Variants in RGPD2 observed in about 807,000 individuals in gnomAD.
RGPD2 encodes the protein RANBP2-like and GRIP domain-containing protein 2.
Under a neutral mutation model 36.0 loss-of-function variants are expected in RGPD2, and 2 were observed. The observed-to-expected ratio is 0.06, with a 90% CI of 0.02 to 0.17. The LOEUF is 0.17. Among genes scored for constraint, RGPD2 ranks in the 10% least tolerant of loss-of-function variants. RGPD2 has a pLI of 1.00. For missense variants in RGPD2, 40 were observed against 464.3 expected (o/e 0.09, Z 8.40); for synonymous variants, 19 against 163.8 (o/e 0.12, Z 6.75).
At chr2:87,855,219 G>A in the RGPD2 span, among the ~76,000 whole-genome samples, 4 of 151,950 alleles carry the variant, frequency 2.6e-5, no homozygotes, top group South Asian at 2.1e-4. Flanking sequence ...GTGGACAAAC[G>A]TTTTCCACTC....
At chr2:87,958,384 A>T in the RGPD2 span, among the ~76,000 whole-genome samples, 1 of 151,828 alleles carries the variant, frequency 6.6e-6, no homozygotes, top group South Asian at 2.1e-4. Context: ...CTTCTGATAC[A>T]TCTGTTAGTG....
At chr2:87,872,261 TGTTA>T in the RGPD2 span, among the ~76,000 whole-genome samples, 1 of 151,874 alleles carries the variant, frequency 6.6e-6, no homozygotes, top group Non-Finnish European at 1.5e-5. Flanking sequence ...CAACCAATAA[TGTTA>T]CATTATCAAG....
At chr2:87,763,372 T>C (rs1249964867) in intron 22 of RGPD2, among the ~76,000 whole-genome samples, 2 of 148,606 alleles carry the variant, frequency 1.3e-5, no homozygotes, top group Non-Finnish European at 3.0e-5. Flanking sequence ...TTAGCCAGGA[T>C]GGTCTCGGTC....
chr2:87,848,924 A>G, the RGPD2 span, among the ~76,000 whole-genome samples: 2 of 150,640 alleles, frequency 1.3e-5, no homozygotes, highest in Non-Finnish European at 3.0e-5. Context: ...TTATTTTGGT[A>G]TCAATGCTAG....
chr2:87,960,239 A>G, the RGPD2 span, among the ~76,000 whole-genome samples: 1 of 150,294 alleles, frequency 6.7e-6, no homozygotes, highest in South Asian at 2.1e-4. Flanking sequence ...CCATTTTTCT[A>G]CAGATCTTCT....
the RGPD2 span, among the ~76,000 whole-genome samples, chr2:87,878,745 C>T: frequency 1.3e-5 from 2 of 152,190 alleles, no homozygotes; most frequent in Non-Finnish European, 2.9e-5. Context: ...CAAACGCTTA[C>T]CCCCACAGCC....
the RGPD2 span, among the ~76,000 whole-genome samples, chr2:87,957,243 G>GGC: frequency 7.1e-6 from 1 of 140,356 alleles, no homozygotes; most frequent in Admixed American, 7.1e-5. Context: ...CACTGGGGGG[G>GGC]GGCTCTCATT....
chr2:87,881,806 T>G, the RGPD2 span, among the ~76,000 whole-genome samples: 719 of 152,278 alleles, frequency 4.7e-3, 8 homozygotes, highest in African/African-American at 0.016. Context: ...GTTCTTGTAT[T>G]GCTATAAGGA....
chr2:87,847,371 A>AT, the RGPD2 span, among the ~76,000 whole-genome samples: 3 of 151,390 alleles, frequency 2.0e-5, no homozygotes, highest in African/African-American at 7.3e-5. Flanking sequence ...ATGTTTTGAT[A>AT]TTTTTTCTAT....
At chr2:87,832,179 TTAATA>T in the RGPD2 span, among the ~76,000 whole-genome samples, 1 of 149,354 alleles carries the variant, frequency 6.7e-6, no homozygotes, top group African/African-American at 2.5e-5. Context: ...CAAGTAAAAC[TTAATA>T]TAATAGAACT....
At chr2:87,986,319 G>C in the RGPD2 span, among the ~76,000 whole-genome samples, 3 of 149,280 alleles carry the variant, frequency 2.0e-5, no homozygotes, top group Admixed American at 2.0e-4. Flanking sequence ...ATTTTTAGTA[G>C]AGACCATGTT....
chr2:87,854,628 C>CTGTCAGTAGCACTTTCAGA, the RGPD2 span, among the ~76,000 whole-genome samples: 1 of 152,044 alleles, frequency 6.6e-6, no homozygotes, highest in Non-Finnish European at 1.5e-5. Context: ...TCCACCTCAA[C>CTGTCAGTAGCACTTTCAGA]TGTCAGTAGC....
chr2:87,951,411 G>A, the RGPD2 span, among the ~76,000 whole-genome samples: 3 of 152,020 alleles, frequency 2.0e-5, no homozygotes, highest in Non-Finnish European at 4.4e-5. Context: ...TGTAGACAGA[G>A]AGAACCCCTG....
the RGPD2 span, among the ~76,000 whole-genome samples, chr2:87,971,741 G>A: frequency 6.6e-6 from 1 of 151,910 alleles, no homozygotes; most frequent in Non-Finnish European, 1.5e-5. Context: ...TTATGAAAAT[G>A]TATTAACAGT....
the RGPD2 span, chr2:87,972,744 G>A: frequency 1.2e-6 from 2 of 1,611,086 alleles, no homozygotes; most frequent in East Asian, 2.2e-5. Context: ...CTGTGCCCAG[G>A]AGTGAACAAC....
intron 1 of RGPD2, among the ~76,000 whole-genome samples, chr2:87,820,130 A>G (rs1370612930): frequency 3.9e-5 from 2 of 51,518 alleles, no homozygotes; most frequent in East Asian, 5.3e-4. Context: ...TCCATCTCAA[A>G]AAAAAAAAAA....
At chr2:87,961,867 G>GT in the RGPD2 span, among the ~76,000 whole-genome samples, 2 of 149,982 alleles carry the variant, frequency 1.3e-5, no homozygotes, top group Non-Finnish European at 3.0e-5. Context: ...AGGGTCAACT[G>GT]TGTATATAGG....
intron 1 of RGPD2, among the ~76,000 whole-genome samples, chr2:87,819,140 TA>T (rs1350103346): frequency 2.1e-3 from 3 of 1,424 alleles, no homozygotes; most frequent in African/African-American, 6.3e-3. Context: ...TCATCATAAA[TA>T]AGCTGGGTGC....
chr2:87,962,255 TA>T, the RGPD2 span, among the ~76,000 whole-genome samples: 2 of 152,254 alleles, frequency 1.3e-5, no homozygotes, highest in East Asian at 3.9e-4. Flanking sequence ...TTTTAGATTT[TA>T]AAAGCTCACA....
Sources: allele counts gnomAD v4.1 joint callset (sites outside exome capture counted in the v4.1 genomes callset), GRCh38; gene constraint gnomAD v4.1.1; transcripts MANE v1.5; gene names NCBI Gene and HGNC (gene_info 2026-07-23, HGNC 2026-07-21).